SLCO4A1: variants seen among roughly 807,000 people sequenced by gnomAD.
The protein encoded by SLCO4A1 is colon organic anion transporter.
In SLCO4A1, 51 loss-of-function variants were observed where a neutral mutation model predicts 64.6. The observed-to-expected ratio is 0.79, with a 90% CI of 0.63 to 1.00. The LOEUF (loss-of-function observed/expected upper bound fraction) is 1.00, where lower values mean the gene tolerates loss of function less well. SLCO4A1 is among the 50% of genes least tolerant of loss of function. The probability of loss-of-function intolerance (pLI) is 0.00; values close to 1 mark genes in which losing one functional copy is unlikely to be tolerated. For synonymous variants in SLCO4A1, 471 were observed against 444.9 expected (o/e 1.06, Z -0.74); for missense variants, 919 against 980.5 (o/e 0.94, Z 0.84).
chr20:62,671,322 C>CT (rs1226300315), intron 11 of SLCO4A1, among the ~76,000 whole-genome samples: 1 of 152,174 alleles, frequency 6.6e-6, no homozygotes, highest in Non-Finnish European at 1.5e-5. Context: ...TGCATGTGGC[C>CT]TTTCCCTCTG....
intron 6 of SLCO4A1, 24 bp from the exon 7 acceptor site, chr20:62,666,356 G>T (rs1986334936): frequency 1.2e-6 from 2 of 1,608,646 alleles, no homozygotes; most frequent in Middle Eastern, 1.7e-4. Context: ...CTGAGTCCCT[G>T]GCTGAATCCC....
chr20:62,643,740 T>C (rs1285490889), intron 1 of SLCO4A1, among the ~76,000 whole-genome samples: 1 of 152,236 alleles, frequency 6.6e-6, no homozygotes, highest in Non-Finnish European at 1.5e-5. Flanking sequence ...TCCTTGGCCT[T>C]AGCCGGCTCC....
At chr20:62,648,139 A>T (rs534913256) in intron 1 of SLCO4A1, among the ~76,000 whole-genome samples, 1 of 152,356 alleles carries the variant, frequency 6.6e-6, no homozygotes, top group South Asian at 2.1e-4. Flanking sequence ...CCTGGCTGCC[A>T]AGGCCTCTGG....
chr20:62,664,079 T>G (rs974050242), intron 5 of SLCO4A1, among the ~76,000 whole-genome samples: 1 of 151,978 alleles, frequency 6.6e-6, no homozygotes, highest in Non-Finnish European at 1.5e-5. Context: ...AGGCCTGATG[T>G]GGGGCCTTCC....
At chr20:62,671,721 C>T (rs1415276553) in intron 11 of SLCO4A1, 29 bp from the exon 12 acceptor site, 20 of 1,603,166 alleles carry the variant, frequency 1.2e-5, no homozygotes, top group South Asian at 3.3e-5. Flanking sequence ...GAGCTCCCCA[C>T]GAGGTCCAGC....
intron 2 of SLCO4A1, 68 bp from the exon 3 acceptor site, chr20:62,658,609 G>A (rs1984189906): frequency 7.6e-6 from 10 of 1,318,266 alleles, no homozygotes; most frequent in African/African-American, 1.4e-5. Flanking sequence ...CAGGCACGGG[G>A]CCCCACACGG....
rs966668451 is a variant in SLCO4A1, at chr20:62,644,065, G to A, written c.-97+1512G>A. ...CAAAAGGCGACTGCAGGGTCAGGCC[G>A]GAGACCCAGAACAGCGTCCCAAGAG... is the stretch of plus-strand genomic sequence containing the variant. On this transcript the variant is annotated intron_variant, in intron 1 of 11. Coordinates refer to ENST00000217159, the MANE Select transcript of SLCO4A1 (RefSeq NM_016354.4). The surrounding 1 kb of genome is among the most constrained non-coding windows in gnomAD (Gnocchi z 5.4). 2.6e-5 allele frequency among the ~76,000 whole-genome samples: 4 copies of A among 152,220 alleles called. No homozygotes were observed. Among genetic ancestry groups the A allele is most frequent in the South Asian group, 2.1e-4 (1 of 4,836 alleles).
chr20:62,672,759 A>T (rs1242247932), downstream of SLCO4A1, among the ~76,000 whole-genome samples: 2 of 152,148 alleles, frequency 1.3e-5, no homozygotes, highest in East Asian at 3.9e-4. Context: ...GTGCGGGGTC[A>T]TAAGGGTGGG....
At chr20:62,651,022 C>T (rs1300831049) in intron 1 of SLCO4A1, among the ~76,000 whole-genome samples, 4 of 152,188 alleles carry the variant, frequency 2.6e-5, no homozygotes, top group Admixed American at 6.5e-5. Flanking sequence ...CTGGAAACTT[C>T]CTTTGGGAAA....
rs1400357489 is a variant in SLCO4A1, at chr20:62,669,072, G to A, written c.2019G>A (p.Leu673=). Residue 673 remains leucine (L), a synonymous_variant, in exon 11 of 12, where the codon CTG becomes CTA. Coordinates refer to ENST00000217159, the MANE Select transcript of SLCO4A1 (RefSeq NM_016354.4). Reference sequence around the variant, plus strand: ...GCTACATACTCATCATGGGGCTCCTGTACAAGGTAAGCAGGCCCAGGGAGG... The same window carrying A: ...GCTACATACTCATCATGGGGCTCCTATACAAGGTAAGCAGGCCCAGGGAGG... ...MSRYILIMGL[L]YKVLGVLFFA... 1.2e-6 allele frequency: 2 copies of A among 1,609,930 alleles called. No individual in the cohort carries two copies. The highest frequency in any genetic ancestry group is 1.7e-5 in the Admixed American group (1 of 60,022).
At position 62,669,153 on chromosome 20, in the gene SLCO4A1, C is replaced by T. The variant is rs1986895673; in HGVS notation, c.2025+75C>T. ...GGGCTCCGAACATGCCGCGATCTTC[C>T]AGCAGCTTGGACCACAGCCTAGTAC... On this transcript the variant is annotated intron_variant, in intron 11 of 11. Transcript: ENST00000217159. 3.4e-6 allele frequency: 5 copies of T among 1,457,682 alleles called. No individual in the cohort carries two copies. In the South Asian group the frequency reaches 4.7e-5, roughly 14 times the overall value. The allele number at this position is 1,457,682 out of a possible 1,614,324, so 90.3% of individuals were successfully genotyped here.
chr20:62,672,248 C>T lies in SLCO4A1; in HGVS notation c.*355C>T, dbSNP rs1987326561. ...AGCCTGAGGAAGGCTTGTGTGTCCT[C>T]AGTTAAAACTGTGCATATCGAAATA... On this transcript the variant is annotated 3_prime_UTR_variant, in exon 12 of 12. Coordinates refer to ENST00000217159, the MANE Select transcript of SLCO4A1 (RefSeq NM_016354.4). The T allele has an allele frequency of 2.5e-6, 3 of 1,221,008 alleles. No homozygotes were observed. The Admixed American group carries it at 1.2e-4, about 47-fold the overall frequency. The allele number at this position is 1,221,008 out of a possible 1,614,324, so 75.6% of individuals were successfully genotyped here.
At chr20:62,659,735 C>G (rs1984417929) in intron 3 of SLCO4A1, among the ~76,000 whole-genome samples, 1 of 152,236 alleles carries the variant, frequency 6.6e-6, no homozygotes, top group Admixed American at 6.5e-5. Context: ...TTGGCGCTCC[C>G]TGTGTCCTCT....
At chr20:62,654,915 A>C (rs1364887230) in intron 1 of SLCO4A1, among the ~76,000 whole-genome samples, 1 of 152,160 alleles carries the variant, frequency 6.6e-6, no homozygotes. Context: ...GCTGTGAGGG[A>C]AGGAGCTACT....
downstream of SLCO4A1, among the ~76,000 whole-genome samples, chr20:62,689,194 G>A (rs370272317): frequency 2.0e-5 from 3 of 151,792 alleles, no homozygotes; most frequent in East Asian, 1.9e-4. Context: ...TGTGCCCCGC[G>A]CCTCATAGGC....
At chr20:62,653,706 T>G (rs954078650) in intron 1 of SLCO4A1, among the ~76,000 whole-genome samples, 1 of 152,124 alleles carries the variant, frequency 6.6e-6, no homozygotes, top group African/African-American at 2.4e-5. Flanking sequence ...TCTCCCAAAT[T>G]CGGGGGCATA....
At chr20:62,652,884 C>T (rs938989718) in intron 1 of SLCO4A1, among the ~76,000 whole-genome samples, 1 of 152,230 alleles carries the variant, frequency 6.6e-6, no homozygotes, top group East Asian at 1.9e-4. Flanking sequence ...GAGTGCCACA[C>T]GAGCGTGCAC....
rs767495387 is a variant in SLCO4A1 at position 62,658,753 on chromosome 20, G to A, written c.873G>A (p.Thr291=). 4.5e-5 allele frequency: 72 copies of A among 1,610,450 alleles called. No homozygotes were observed. The highest frequency in any genetic ancestry group is 1.6e-4 in the Middle Eastern group (1 of 6,080). ...LIGGALLNIY[T]EMGRRTELTT... is the part of the protein sequence containing the mutation. ...GAGGTGCCCTGCTGAATATCTACAC[G>A]GAAATGGGCCGACGGTGAGTGGCCG... The change falls in exon 3 of 12, where the codon ACG becomes ACA. Residue 291 remains threonine, a synonymous_variant. Coordinates refer to ENST00000217159, the MANE Select transcript of SLCO4A1 (RefSeq NM_016354.4).
At chr20:62,662,744 ATCCCCCC>A (rs1985235939) in intron 5 of SLCO4A1, among the ~76,000 whole-genome samples, 1 of 91,190 alleles carries the variant, frequency 1.1e-5, no homozygotes, top group Non-Finnish European at 2.4e-5. Context: ...CCCCAGCCCC[ATCCCCCC>A]ATATGCCAGG....
Sources: allele counts gnomAD v4.1 joint callset (sites outside exome capture counted in the v4.1 genomes callset), GRCh38; gene constraint gnomAD v4.1.1; non-coding constraint Gnocchi (gnomAD v3.1); transcripts MANE v1.5; gene names NCBI Gene and HGNC (gene_info 2026-07-23, HGNC 2026-07-21).